The following HCN4 variants were observed in gnomAD, a reference collection of about 807,000 sequenced individuals.
HCN4 encodes potassium/sodium hyperpolarization-activated cyclic nucleotide-gated channel 4.
HCN4 carries 29 observed loss-of-function variants against 76.9 expected under a neutral mutation model. The observed-to-expected ratio is 0.38, with a 90% CI of 0.28 to 0.51. The LOEUF is 0.51. HCN4 is among the 20% of genes least tolerant of loss of function. The probability of loss-of-function intolerance (pLI) is 0.90; values close to 1 mark genes in which losing one functional copy is unlikely to be tolerated. For missense variants in HCN4, 1,416 were observed against 1,715.2 expected, an observed-to-expected ratio of 0.83 and a Z score of 3.08; for synonymous variants, 772 against 762.5, an observed-to-expected ratio of 1.01 and a Z score of -0.21.
At chr15:73,348,358 A>G (rs2043038011) in intron 1 of HCN4, among the ~76,000 whole-genome samples, 1 of 152,264 alleles carries the variant, frequency 6.6e-6, no homozygotes, top group African/African-American at 2.4e-5. Flanking sequence ...GCACATATAT[A>G]CACGCATGCA....
intron 1 of HCN4, among the ~76,000 whole-genome samples, chr15:73,366,854 GC>G (rs754289431): frequency 3.3e-5 from 5 of 152,220 alleles, no homozygotes; most frequent in Non-Finnish European, 5.9e-5. Flanking sequence ...AGGTCATTCA[GC>G]CCTGCCGCTC....
rs965912622 is a variant in HCN4, at chr15:73,328,889, AT to A, written c.1590+683del. Among the ~76,000 whole-genome samples, 52 of 152,322 alleles carry A rather than the reference AT, an allele frequency of 3.4e-4. No homozygotes were observed. Among genetic ancestry groups the A allele is most frequent in the African/African-American group, 1.2e-3 (48 of 41,586 alleles). ...ATGGCTCCTAGTCTCTGGCCTGGGC[AT>A]CTGGGAAGAGCAGAGACTTGGAGTA... is the stretch of plus-strand genomic sequence containing the variant. On this transcript the variant is annotated intron_variant, in intron 4 of 7. Coordinates refer to ENST00000261917, the MANE Select transcript of HCN4 (RefSeq NM_005477.3). This position sits in a 1 kb window ranked among gnomAD's most constrained non-coding sequence, Gnocchi z 4.0.
At position 73,323,790 on chromosome 15, in the gene HCN4, G is replaced by A. The variant is rs1267908999; in HGVS notation, c.2303C>T (p.Thr768Ile). 1 of 1,607,938 alleles carries A rather than the reference G, an allele frequency of 6.2e-7. No individual in the cohort carries two copies. Among genetic ancestry groups the A allele is most frequent in the Non-Finnish European group, 8.5e-7 (1 of 1,179,478 alleles). ...CGGGGTCCAGATGACGGGCGTGGGG[G>A]TTGGGGTGGCAGAGGCAGCAGCCTG... ...RVQAAASATPTPTPVIWTPLI... is the reference protein window; with the variant it reads ...RVQAAASATPIPTPVIWTPLI... The change falls in exon 8 of 8, where the codon ACC (threonine) becomes ATC (isoleucine). Residue 768 changes from threonine (T) to isoleucine (I), a missense_variant. Thr to Ile is a moderately conservative substitution (Grantham distance 89). Around this residue, in one of 6 missense-constraint regions of HCN4, gnomAD observed 241 missense variants for 379.4 expected, o/e 0.64. Coordinates refer to ENST00000261917, the MANE Select transcript of HCN4 (RefSeq NM_005477.3).
intron 4 of HCN4, among the ~76,000 whole-genome samples, chr15:73,326,162 G>A (rs1233668038): frequency 6.6e-6 from 1 of 152,076 alleles, no homozygotes; most frequent in African/African-American, 2.4e-5. Context: ...GATTGTGGGT[G>A]GACAGTGGGA....
At chr15:73,340,024 C>A (rs997696543) in intron 2 of HCN4, among the ~76,000 whole-genome samples, 5 of 152,126 alleles carry the variant, frequency 3.3e-5, no homozygotes, top group African/African-American at 1.2e-4. Flanking sequence ...TTCCTCCCCA[C>A]GAGATGGGGC....
At position 73,320,080 on chromosome 15, in the gene HCN4, G is replaced by C. The variant is rs533970880; in HGVS notation, c.*2401C>G. The C allele has an allele frequency of 6.6e-6, 1 of 152,428 alleles. No homozygotes were observed. The highest frequency in any genetic ancestry group is 2.4e-5 in the African/African-American group (1 of 41,524). The allele number at this position is 152,428 out of a possible 1,614,324, so 9.4% of individuals were successfully genotyped here. ...GAAGAGGGTGGTTAGGCCAGGCTCT[G>C]ATGGCAAGGGGGCTCCTCATGGCCC... On this transcript the variant is annotated 3_prime_UTR_variant, in exon 8 of 8. Transcript: ENST00000261917.
intron 1 of HCN4, among the ~76,000 whole-genome samples, chr15:73,363,273 G>C (rs1486266695): frequency 6.6e-6 from 1 of 152,220 alleles, no homozygotes; most frequent in East Asian, 1.9e-4. Context: ...TGCCAGAACA[G>C]TCCTTTCCAG....
intron 1 of HCN4, among the ~76,000 whole-genome samples, chr15:73,354,758 TATCCCCATCATCATC>T (rs1275990205): frequency 9.3e-4 from 141 of 152,246 alleles, no homozygotes; most frequent in African/African-American, 3.0e-3. Flanking sequence ...AGTGGGCCAT[TATCCCCATCATCATC>T]ATCCCCATCA....
At chr15:73,345,671 G>A (rs1481197123) in intron 1 of HCN4, among the ~76,000 whole-genome samples, 1 of 152,110 alleles carries the variant, frequency 6.6e-6, no homozygotes, top group Non-Finnish European at 1.5e-5. Context: ...CCACACGCAG[G>A]TATCCCCATT....
intron 1 of HCN4, among the ~76,000 whole-genome samples, chr15:73,345,801 G>A (rs1308845614): frequency 1.3e-5 from 2 of 152,074 alleles, no homozygotes; most frequent in Non-Finnish European, 1.5e-5. Context: ...GCCACTGAGG[G>A]CTATGTGGCC....
At chr15:73,341,067 T>G (rs896065688) in intron 2 of HCN4, 1 of 104,708 alleles carries the variant, frequency 9.6e-6, no homozygotes, top group African/African-American at 3.2e-5. Flanking sequence ...GGGAGGGAGG[T>G]AGGTGTGTGT....
At chr15:73,338,829 T>G (rs1468041922) in intron 2 of HCN4, among the ~76,000 whole-genome samples, 1 of 152,228 alleles carries the variant, frequency 6.6e-6, no homozygotes, top group Non-Finnish European at 1.5e-5. Context: ...TGCATATGCA[T>G]GCTGGGTGCA....
chr15:73,331,497 G>C (rs2042932093), intron 3 of HCN4, among the ~76,000 whole-genome samples: 1 of 152,098 alleles, frequency 6.6e-6, no homozygotes, highest in Admixed American at 6.5e-5. Context: ...TATTCCTTTT[G>C]AGACAGGATC....
chr15:73,342,115 G>A (rs768215630), intron 2 of HCN4, among the ~76,000 whole-genome samples: 2 of 152,316 alleles, frequency 1.3e-5, no homozygotes, highest in African/African-American at 2.4e-5. Context: ...CCTGCCTGCC[G>A]CTGCTGCCAA....
chr15:73,368,951 G>T lies in HCN4; in HGVS notation c.-681C>A. ...CAGCTCGCGGGTTGCCATAGGAGCG[G>T]CTCCAGCAGCCGGGCCTGCCTACCT... On this transcript the variant is annotated 5_prime_UTR_variant, in exon 1 of 8. Transcript: ENST00000261917. The surrounding 1 kb of genome is among the most constrained non-coding windows in gnomAD (Gnocchi z 6.9). 1 of 152,236 alleles carries T rather than the reference G, an allele frequency of 6.6e-6. No individual in the cohort carries two copies. The highest frequency in any genetic ancestry group is 1.9e-4 in the East Asian group (1 of 5,172). The allele number at this position is 152,236 out of a possible 1,614,324, so 9.4% of individuals were successfully genotyped here.
chr15:73,323,455 A>G lies in HCN4; in HGVS notation c.2638T>C (p.Ser880Pro). ...CCACAGGCCCCGGGGGGTGGGGAGG[A>G]GCTGGATGAGGGCAGGAGTGGGCTC... is the stretch of plus-strand genomic sequence containing the variant. ...GLSPLLPSSS[S>P]SPPPGACGSP... The change falls in exon 8 of 8, where the codon TCC becomes CCC. Residue 880 changes from serine to proline, a missense_variant. Around this residue, in one of 6 missense-constraint regions of HCN4, gnomAD observed 633 missense variants for 579.8 expected, o/e 1.09. Coordinates refer to ENST00000261917, the MANE Select transcript of HCN4 (RefSeq NM_005477.3). The G allele has an allele frequency of 6.2e-7, 1 of 1,608,472 alleles. No homozygotes were observed. Among genetic ancestry groups the G allele is most frequent in the South Asian group, 1.1e-5 (1 of 91,016 alleles).
intron 2 of HCN4, chr15:73,342,425 C>G (rs1427290564): frequency 6.6e-6 from 1 of 152,306 alleles, no homozygotes; most frequent in Middle Eastern, 3.2e-3. Context: ...CAGAGGCCTG[C>G]CCGGGCTGCT....
chr15:73,330,852 C>T (rs62015504), intron 3 of HCN4, among the ~76,000 whole-genome samples: 43,700 of 152,084 alleles, frequency 0.29, 7,961 homozygotes, highest in Non-Finnish European at 0.41. Context: ...TGGAAGAGAC[C>T]TGGGTTCCCA....
chr15:73,338,975 G>A (rs560657269), intron 2 of HCN4, among the ~76,000 whole-genome samples: 1 of 152,316 alleles, frequency 6.6e-6, no homozygotes, highest in East Asian at 1.9e-4. Flanking sequence ...ATTCTGAGAT[G>A]AGGCAATCAA....
Sources: allele counts gnomAD v4.1 joint callset (sites outside exome capture counted in the v4.1 genomes callset), GRCh38; gene constraint gnomAD v4.1.1; regional missense constraint gnomAD v4.1.1; non-coding constraint Gnocchi (gnomAD v3.1); transcripts MANE v1.5; gene names NCBI Gene and HGNC (gene_info 2026-07-23, HGNC 2026-07-21).